CSMD1: variants seen among roughly 807,000 people sequenced by gnomAD.
The protein encoded by CSMD1 is CUB and Sushi multiple domains 1.
A neutral mutation model predicts 417.5 loss-of-function variants in CSMD1; 213 were observed. The observed-to-expected ratio is 0.51, with a 90% CI of 0.46 to 0.57. The LOEUF (loss-of-function observed/expected upper bound fraction) is 0.57. Among genes scored for constraint, CSMD1 ranks in the 20% least tolerant of loss-of-function variants. CSMD1 has a pLI of 0.00. For missense variants in CSMD1, 6,923 were observed against 4,529.7 expected, an observed-to-expected ratio of 1.53 and a Z score of -15.17; for synonymous variants, 2,862 against 1,736.8, an observed-to-expected ratio of 1.65 and a Z score of -16.11.
chr8:3,935,216 C>T (rs1206666293), intron 5 of CSMD1, among the ~76,000 whole-genome samples: 1 of 152,068 alleles, frequency 6.6e-6, no homozygotes, highest in African/African-American at 2.4e-5. Flanking sequence ...TCCAACAGAA[C>T]AAATGGAAAT....
intron 5 of CSMD1, among the ~76,000 whole-genome samples, chr8:3,893,693 G>A (rs951958788): frequency 1.3e-5 from 2 of 151,824 alleles, no homozygotes; most frequent in Admixed American, 6.6e-5. Flanking sequence ...CACAACAACC[G>A]CAGCAACCGT....
At chr8:4,070,341 A>C (rs1355441464) in intron 3 of CSMD1, among the ~76,000 whole-genome samples, 1 of 152,144 alleles carries the variant, frequency 6.6e-6, no homozygotes, top group African/African-American at 2.4e-5. Context: ...ATGTCTTCTT[A>C]TATTAACCAA....
chr8:3,621,568 G>A (rs984165992), intron 7 of CSMD1, among the ~76,000 whole-genome samples: 23 of 152,052 alleles, frequency 1.5e-4, no homozygotes, highest in African/African-American at 5.5e-4. Context: ...CCACAGAAAT[G>A]CATGGTTTTT....
At chr8:4,030,206 G>A (rs201126393) in intron 4 of CSMD1, among the ~76,000 whole-genome samples, 47 of 145,578 alleles carry the variant, frequency 3.2e-4, no homozygotes, top group African/African-American at 1.2e-3. Context: ...CTCAACTAGG[G>A]CGGTGCCCCA....
At chr8:4,696,049 T>C (rs1245161188) in intron 1 of CSMD1, among the ~76,000 whole-genome samples, 1 of 152,248 alleles carries the variant, frequency 6.6e-6, no homozygotes. Context: ...AGAATCTCTA[T>C]CTTATAAACA....
intron 3 of CSMD1, among the ~76,000 whole-genome samples, chr8:4,413,647 T>C (rs1298110788): frequency 1.3e-5 from 2 of 152,200 alleles, no homozygotes; most frequent in Non-Finnish European, 2.9e-5. Flanking sequence ...CTGTTGACTA[T>C]ACACGCAATG....
intron 1 of CSMD1, among the ~76,000 whole-genome samples, chr8:4,665,209 G>C (rs1170498541): frequency 6.6e-6 from 1 of 151,990 alleles, no homozygotes; most frequent in Non-Finnish European, 1.5e-5. Flanking sequence ...GCTTCTTTCA[G>C]AGCTCTGTTC....
At chr8:3,798,773 T>C (rs1384061145) in intron 5 of CSMD1, among the ~76,000 whole-genome samples, 3 of 152,206 alleles carry the variant, frequency 2.0e-5, no homozygotes, top group South Asian at 2.1e-4. Flanking sequence ...TTTTTTACTA[T>C]GTTTGTATTT....
chr8:4,666,788 ATTCTGTAGTCTATC>A (rs1207294461), intron 1 of CSMD1, among the ~76,000 whole-genome samples: 2 of 152,146 alleles, frequency 1.3e-5, no homozygotes, highest in African/African-American at 4.8e-5. Context: ...ACGTTCTCAC[ATTCTGTAGTCTATC>A]TTTTCATTTT....
chr8:4,606,895 C>T (rs1800903703), intron 2 of CSMD1, among the ~76,000 whole-genome samples: 1 of 152,078 alleles, frequency 6.6e-6, no homozygotes, highest in Non-Finnish European at 1.5e-5. Context: ...GAACTTTCTC[C>T]CCATTATATC....
At chr8:4,686,963 T>C (rs1288884578) in intron 1 of CSMD1, among the ~76,000 whole-genome samples, 1 of 152,176 alleles carries the variant, frequency 6.6e-6, no homozygotes, top group Admixed American at 6.5e-5. Flanking sequence ...TCTCCAGTCC[T>C]GAACGGCACA....
At chr8:4,059,372 A>C (rs1374907774) in intron 3 of CSMD1, among the ~76,000 whole-genome samples, 1 of 152,188 alleles carries the variant, frequency 6.6e-6, no homozygotes, top group Non-Finnish European at 1.5e-5. Flanking sequence ...CTAACATCAC[A>C]ATTAAAAGAA....
chr8:4,698,927 C>CAT (rs1048964297), intron 1 of CSMD1, among the ~76,000 whole-genome samples: 1 of 151,864 alleles, frequency 6.6e-6, no homozygotes, highest in Non-Finnish European at 1.5e-5. Context: ...CACACACACA[C>CAT]ACACACACAC....
intron 8 of CSMD1, among the ~76,000 whole-genome samples, chr8:3,597,515 T>C (rs1405167737): frequency 6.6e-6 from 1 of 152,150 alleles, no homozygotes; most frequent in Admixed American, 6.5e-5. Flanking sequence ...AGATAAAACA[T>C]GAGCCACATG....
chr8:3,366,695 A>G (rs572663963), intron 20 of CSMD1, among the ~76,000 whole-genome samples: 1 of 152,292 alleles, frequency 6.6e-6, no homozygotes, highest in South Asian at 2.1e-4. Context: ...ATGCCTCCCA[A>G]TAAAGGAACT....
chr8:3,979,720 G>A (rs1406158354), intron 5 of CSMD1, among the ~76,000 whole-genome samples: 1 of 152,138 alleles, frequency 6.6e-6, no homozygotes, highest in Non-Finnish European at 1.5e-5. Context: ...TGAATAAGCT[G>A]GAACCTTGAT....
chr8:3,021,379 A>G (rs1391692022), intron 51 of CSMD1, among the ~76,000 whole-genome samples: 3 of 152,236 alleles, frequency 2.0e-5, no homozygotes, highest in Admixed American at 6.5e-5. Context: ...GATAGCAGCA[A>G]TAACTCGGAA....
intron 3 of CSMD1, among the ~76,000 whole-genome samples, chr8:4,085,771 T>C (rs1445926546): frequency 6.6e-6 from 1 of 152,136 alleles, no homozygotes; most frequent in Non-Finnish European, 1.5e-5. Flanking sequence ...TTCCAGAAGT[T>C]AAAGGAAGTA....
At chr8:3,689,193 T>C (rs750593586) in intron 7 of CSMD1, among the ~76,000 whole-genome samples, 1 of 152,166 alleles carries the variant, frequency 6.6e-6, no homozygotes, top group Non-Finnish European at 1.5e-5. Context: ...TTCAGGGAGC[T>C]GCACACAAGT....
Sources: allele counts gnomAD v4.1 joint callset (sites outside exome capture counted in the v4.1 genomes callset), GRCh38; gene constraint gnomAD v4.1.1; transcripts MANE v1.5; gene names NCBI Gene and HGNC (gene_info 2026-07-23, HGNC 2026-07-21).